Variants in LUZP2 observed in about 807,000 individuals in gnomAD.
LUZP2 encodes leucine zipper protein 2.
In LUZP2, 52 loss-of-function variants were observed where a neutral mutation model predicts 51.6. That is an observed-to-expected ratio of 1.01 (90% CI 0.81 to 1.27). The LOEUF is 1.27. Ranked by LOEUF, LUZP2 falls within the 50% of genes most tolerant of loss-of-function variation. The pLI, the probability that LUZP2 is intolerant of heterozygous loss-of-function variation, is 0.00. For missense variants in LUZP2, 436 were observed against 395.4 expected, an observed-to-expected ratio of 1.10 and a Z score of -0.87; for synonymous variants, 154 against 137.3, an observed-to-expected ratio of 1.12 and a Z score of -0.85.
intron 9 of LUZP2, among the ~76,000 whole-genome samples, chr11:25,039,866 A>AT (rs936475680): frequency 7.2e-5 from 11 of 152,026 alleles, no homozygotes; most frequent in Non-Finnish European, 1.6e-4. Flanking sequence ...GTCCTTTAAA[A>AT]TTTTTTTTCA....
chr11:24,507,725 C>T (rs1305456712), intron 1 of LUZP2, among the ~76,000 whole-genome samples: 1 of 152,020 alleles, frequency 6.6e-6, no homozygotes, highest in African/African-American at 2.4e-5. Context: ...TTGTTCTAGG[C>T]TACTTGGGGC....
chr11:24,639,730 C>T (rs940396147), intron 1 of LUZP2, among the ~76,000 whole-genome samples: 6 of 151,954 alleles, frequency 3.9e-5, no homozygotes, highest in Non-Finnish European at 8.8e-5. Context: ...GGATTACAGG[C>T]GTGAGCCACT....
In LUZP2 at chr11:25,062,559, C is replaced by T. The variant is rs1488125017; in HGVS notation, c.858+12429C>T. On this transcript the variant is annotated intron_variant, in intron 10 of 11. Transcript: ENST00000336930. ...GAGCTATCATCACGCCAGTGCACTCCAGCCTATGTGACAGAGCAAGACCCT... is the reference window on the plus strand; with the variant it reads ...GAGCTATCATCACGCCAGTGCACTCTAGCCTATGTGACAGAGCAAGACCCT... Among the ~76,000 whole-genome samples, 16 of 129,396 alleles carry T rather than the reference C, an allele frequency of 1.2e-4. 2 individuals are homozygous for T. The highest frequency in any genetic ancestry group is 2.4e-4 in the Non-Finnish European group (15 of 63,238). The allele number at this position is 129,396 out of a possible 152,430, so 84.9% of individuals were successfully genotyped here.
At chr11:24,789,329 G>A (rs1469280724) in intron 5 of LUZP2, among the ~76,000 whole-genome samples, 4 of 152,076 alleles carry the variant, frequency 2.6e-5, no homozygotes, top group Admixed American at 2.0e-4. Flanking sequence ...CTTCTCTCAA[G>A]GTGTGTCTCT....
chr11:24,582,704 C>G (rs919436131), intron 1 of LUZP2, among the ~76,000 whole-genome samples: 1 of 152,052 alleles, frequency 6.6e-6, no homozygotes, highest in African/African-American at 2.4e-5. Flanking sequence ...TCACTCATCA[C>G]ATAGGTCTAG....
chr11:24,687,889 C>G (rs1856941383), intron 1 of LUZP2, among the ~76,000 whole-genome samples: 1 of 152,094 alleles, frequency 6.6e-6, no homozygotes, highest in South Asian at 2.1e-4. Context: ...AGAGCTTACC[C>G]AAGCCTCACT....
chr11:25,007,153 G>T (rs558990577), intron 9 of LUZP2, among the ~76,000 whole-genome samples: 2 of 152,110 alleles, frequency 1.3e-5, no homozygotes, highest in Admixed American at 6.6e-5. Flanking sequence ...AGCACTGATT[G>T]GTGCATTTAC....
chr11:24,732,914 G>T (rs1176550060), intron 3 of LUZP2, among the ~76,000 whole-genome samples: 1 of 151,696 alleles, frequency 6.6e-6, no homozygotes, highest in African/African-American at 2.4e-5. Context: ...AGAGTGCTTA[G>T]TGGAATTGCT....
chr11:24,922,363 T>A (rs2133817856), intron 7 of LUZP2, among the ~76,000 whole-genome samples: 1 of 152,318 alleles, frequency 6.6e-6, no homozygotes, highest in East Asian at 1.9e-4. Context: ...CATGTATGTA[T>A]AACAGAGTGT....
At chr11:24,752,390 C>T (rs568687984) in intron 4 of LUZP2, among the ~76,000 whole-genome samples, 35 of 152,174 alleles carry the variant, frequency 2.3e-4, no homozygotes, top group Admixed American at 8.5e-4. Flanking sequence ...TGTTAAAGCA[C>T]GTAAAGCATG....
At chr11:24,943,322 C>T (rs184714782) in intron 7 of LUZP2, among the ~76,000 whole-genome samples, 28 of 152,220 alleles carry the variant, frequency 1.8e-4, no homozygotes, top group African/African-American at 6.5e-4. Flanking sequence ...TATAAATGTA[C>T]GCCCTTTTTA....
intron 5 of LUZP2, among the ~76,000 whole-genome samples, chr11:24,860,281 A>T (rs111492932): frequency 0.012 from 1,774 of 152,178 alleles, 27 homozygotes; most frequent in African/African-American, 0.04. Context: ...AGGCTCAGCG[A>T]CAGAATCTGA....
At chr11:24,698,192 G>C (rs894109135) in intron 1 of LUZP2, among the ~76,000 whole-genome samples, 2 of 152,138 alleles carry the variant, frequency 1.3e-5, no homozygotes, top group African/African-American at 2.4e-5. Flanking sequence ...CTGTGCAGTA[G>C]GCAAGAAGAA....
chr11:24,812,749 G>C (rs891767953), intron 5 of LUZP2, among the ~76,000 whole-genome samples: 16 of 152,130 alleles, frequency 1.1e-4, no homozygotes, highest in African/African-American at 3.6e-4. Flanking sequence ...GACTGCAAAA[G>C]AGAACCAAAT....
chr11:24,925,565 C>G (rs79785671), intron 7 of LUZP2, among the ~76,000 whole-genome samples: 8,070 of 151,994 alleles, frequency 0.053, 380 homozygotes, highest in African/African-American at 0.12. Context: ...TCATTATTCA[C>G]TAGCTAATGG....
At chr11:24,602,313 CAT>C (rs1411695808) in intron 1 of LUZP2, among the ~76,000 whole-genome samples, 2 of 132,542 alleles carry the variant, frequency 1.5e-5, no homozygotes, top group African/African-American at 2.9e-5. Flanking sequence ...TATATACACA[CAT>C]ATATACACAC....
chr11:24,831,441 GA>G (rs1237561722), intron 5 of LUZP2, among the ~76,000 whole-genome samples: 1 of 152,140 alleles, frequency 6.6e-6, no homozygotes, highest in Non-Finnish European at 1.5e-5. Context: ...GCTCTCTTTA[GA>G]AAAACAGAAT....
intron 5 of LUZP2, among the ~76,000 whole-genome samples, chr11:24,793,609 C>T (rs565154744): frequency 1.3e-5 from 2 of 152,268 alleles, no homozygotes; most frequent in African/African-American, 4.8e-5. Context: ...GGACAGAACA[C>T]AGCTGATCTC....
chr11:24,851,093 A>G (rs1851381161), intron 5 of LUZP2, among the ~76,000 whole-genome samples: 1 of 152,136 alleles, frequency 6.6e-6, no homozygotes, highest in Non-Finnish European at 1.5e-5. Context: ...TCCTATTTGA[A>G]TATCCTTTGT....
Sources: allele counts gnomAD v4.1 joint callset (sites outside exome capture counted in the v4.1 genomes callset), GRCh38; gene constraint gnomAD v4.1.1; transcripts MANE v1.5; gene names NCBI Gene and HGNC (gene_info 2026-07-23, HGNC 2026-07-21).